The following BAIAP2 variants were observed in gnomAD, a reference collection of about 807,000 sequenced individuals.
The protein encoded by BAIAP2 is BAR/IMD domain-containing adapter protein 2.
BAIAP2 carries 18 observed loss-of-function variants against 63.0 expected under a neutral mutation model. That is an observed-to-expected ratio of 0.29 (90% confidence interval 0.20 to 0.42). The LOEUF is 0.42. Among genes scored for constraint, BAIAP2 ranks in the 10% least tolerant of loss-of-function variants. BAIAP2 has a pLI of 1.00. For missense variants in BAIAP2, 610 were observed against 734.3 expected, an observed-to-expected ratio of 0.83 and a Z score of 1.96; for synonymous variants, 386 against 307.6, an observed-to-expected ratio of 1.25 and a Z score of -2.67.
intron 3 of BAIAP2, among the ~76,000 whole-genome samples, chr17:81,081,944 T>A: frequency 6.6e-6 from 1 of 152,084 alleles, no homozygotes. Context: ...GGCAGGCCCC[T>A]GGGCCAGGGC....
chr17:81,051,671 C>T (rs1388391019), intron 1 of BAIAP2, among the ~76,000 whole-genome samples: 2 of 152,056 alleles, frequency 1.3e-5, no homozygotes, highest in African/African-American at 4.8e-5. Flanking sequence ...GGATTACGAG[C>T]GTGAGCCACC....
rs916912117 is a variant in BAIAP2 at position 81,046,679 on chromosome 17, G to T, written c.55-6989G>T. Among the ~76,000 whole-genome samples, 1 of 152,170 alleles carries T rather than the reference G, an allele frequency of 6.6e-6. No individual in the cohort carries two copies. The highest frequency in any genetic ancestry group is 1.5e-5 in the Non-Finnish European group (1 of 68,026). ...GCCCCCGGACAGCAAGCTCTGAGGT[G>T]TCCTCCCGCGAGGACACTGTCCACT... On this transcript the variant is annotated intron_variant, in intron 1 of 13. Coordinates refer to ENST00000428708, the MANE Select transcript of BAIAP2 (RefSeq NM_001144888.2). The surrounding 1 kb of genome is among the most constrained non-coding windows in gnomAD (Gnocchi z 4.5).
At chr17:81,062,688 CTT>C (rs36092037) in intron 3 of BAIAP2, among the ~76,000 whole-genome samples, 39,650 of 133,432 alleles carry the variant, frequency 0.3, 5,634 homozygotes, top group South Asian at 0.39. Flanking sequence ...TTTTTCTTTC[CTT>C]TTTTTTTTTT....
At chr17:81,091,680 G>A (rs937931191) in intron 6 of BAIAP2, among the ~76,000 whole-genome samples, 2 of 152,230 alleles carry the variant, frequency 1.3e-5, no homozygotes, top group African/African-American at 4.8e-5. Flanking sequence ...TTTCTTGAGC[G>A]GGCAGGAGGG....
chr17:81,106,605 G>A, intron 11 of BAIAP2, 140 bp from the exon 12 acceptor site: 2 of 974,774 alleles, frequency 2.1e-6, no homozygotes. Flanking sequence ...TGGTCCCCAG[G>A]GCTGCCGCCT....
intron 3 of BAIAP2, among the ~76,000 whole-genome samples, chr17:81,066,168 G>A (rs1277840804): frequency 2.0e-5 from 3 of 152,224 alleles, no homozygotes; most frequent in South Asian, 2.1e-4. Flanking sequence ...TGAAGAGGCC[G>A]CTGTGTACCC....
At chr17:81,098,676 T>C (rs1452877265) in intron 6 of BAIAP2, among the ~76,000 whole-genome samples, 2 of 152,208 alleles carry the variant, frequency 1.3e-5, no homozygotes, top group Admixed American at 1.3e-4. Context: ...GAAATCATTT[T>C]GGCTGGAGCA....
intron 3 of BAIAP2, among the ~76,000 whole-genome samples, chr17:81,066,234 G>A (rs567187752): frequency 3.3e-5 from 5 of 152,368 alleles, no homozygotes; most frequent in Admixed American, 1.3e-4. Flanking sequence ...TACCTGCTGG[G>A]CGCACTGGGC....
chr17:81,044,268 G>A (rs937974211), intron 1 of BAIAP2, among the ~76,000 whole-genome samples: 1 of 152,398 alleles, frequency 6.6e-6, no homozygotes, highest in South Asian at 2.1e-4. Flanking sequence ...GGATGGGGCA[G>A]CGGCCTCGGG....
At chr17:81,039,469 G>A (rs1303768378) in intron 1 of BAIAP2, among the ~76,000 whole-genome samples, 2 of 152,236 alleles carry the variant, frequency 1.3e-5, no homozygotes, top group African/African-American at 4.8e-5. Flanking sequence ...AGGCGTTCTG[G>A]GATGTGGCGC....
At chr17:81,068,853 T>A (rs1598616594) in intron 3 of BAIAP2, among the ~76,000 whole-genome samples, 1 of 152,000 alleles carries the variant, frequency 6.6e-6, no homozygotes, top group African/African-American at 2.4e-5. Context: ...CTGTGGGAGG[T>A]GCCAGTGGGT....
intron 1 of BAIAP2, among the ~76,000 whole-genome samples, chr17:81,052,726 G>T (rs1481661035): frequency 6.6e-6 from 1 of 152,266 alleles, no homozygotes; most frequent in Non-Finnish European, 1.5e-5. Context: ...GCTGGGAGAG[G>T]GGGTGGGGGA....
intron 3 of BAIAP2, among the ~76,000 whole-genome samples, chr17:81,075,767 C>T (rs1015038911): frequency 6.6e-6 from 1 of 152,194 alleles, no homozygotes; most frequent in African/African-American, 2.4e-5. Flanking sequence ...CTTTGGTGGG[C>T]CTCAAGTCCT....
At chr17:81,058,755 G>A (rs567469902) in intron 3 of BAIAP2, among the ~76,000 whole-genome samples, 16 of 152,326 alleles carry the variant, frequency 1.1e-4, no homozygotes, top group South Asian at 1.0e-3. Context: ...ACTCTTGACC[G>A]TCTCCCCGTG....
At chr17:81,115,603 T>G (rs1450530568) in intron 13 of BAIAP2, among the ~76,000 whole-genome samples, 167 bp from the exon 14 acceptor site, 3 of 152,120 alleles carry the variant, frequency 2.0e-5, no homozygotes, top group Non-Finnish European at 4.4e-5. Flanking sequence ...CAGCGCCTGG[T>G]CCTCCCTGCC....
In BAIAP2 at chr17:81,086,549, A is replaced by C. The variant is rs200297110; in HGVS notation, c.458A>C (p.Asn153Thr). 1.2e-6 allele frequency: 2 copies of C among 1,613,770 alleles called. No individual in the cohort carries two copies. The highest frequency in any genetic ancestry group is 1.7e-6 in the Non-Finnish European group (2 of 1,180,014). ...KLRKKSQGSK[N>T]PQKYSDKELQ... ...CGGAAGAAGAGCCAGGGCAGCAAGAATCCTCAGAAGTACTCGGACAAGGAG... is the reference window on the plus strand; with the variant it reads ...CGGAAGAAGAGCCAGGGCAGCAAGACTCCTCAGAAGTACTCGGACAAGGAG... Residue 153 changes from asparagine (N) to threonine (T), a missense_variant, in exon 6 of 14, where the codon AAT becomes ACT. Coordinates refer to ENST00000428708, the MANE Select transcript of BAIAP2 (RefSeq NM_001144888.2).
intron 3 of BAIAP2, among the ~76,000 whole-genome samples, chr17:81,060,449 T>C (rs78904379): frequency 0.035 from 5,344 of 152,298 alleles, 142 homozygotes; most frequent in South Asian, 0.07. Context: ...TCATACGGTG[T>C]GTGACCTTCT....
chr17:81,091,051 CCCA>C (rs2056655429), intron 6 of BAIAP2, among the ~76,000 whole-genome samples: 1 of 96,626 alleles, frequency 1.0e-5, no homozygotes. Context: ...CCACCCCGCC[CCCA>C]CTTGTGTGGA....
intron 1 of BAIAP2, among the ~76,000 whole-genome samples, chr17:81,050,064 C>T (rs1178375376): frequency 1.3e-5 from 2 of 152,222 alleles, no homozygotes. Flanking sequence ...CCCGTGGTTC[C>T]TGGGAGAGGG....
Sources: allele counts gnomAD v4.1 joint callset (sites outside exome capture counted in the v4.1 genomes callset), GRCh38; gene constraint gnomAD v4.1.1; non-coding constraint Gnocchi (gnomAD v3.1); transcripts MANE v1.5; gene names NCBI Gene and HGNC (gene_info 2026-07-23, HGNC 2026-07-21).